The following HECW1 variants were observed in gnomAD, a reference collection of about 807,000 sequenced individuals.
HECW1 encodes HECT, C2 and WW domain containing E3 ubiquitin protein ligase 1, also known as E3 ubiquitin-protein ligase HECW1.
Under a neutral mutation model 182.3 loss-of-function variants are expected in HECW1, and 61 were observed. That is an observed-to-expected ratio of 0.33 (90% CI 0.27 to 0.41). The LOEUF (loss-of-function observed/expected upper bound fraction) is 0.41. HECW1 is among the 10% of genes least tolerant of loss of function. HECW1 has a pLI of 1.00. For synonymous variants in HECW1, 859 were observed against 832.6 expected, an observed-to-expected ratio of 1.03 and a Z score of -0.55; for missense variants, 1,739 against 2,108.9, an observed-to-expected ratio of 0.82 and a Z score of 3.44.
chr7:43,508,980 G>A lies in HECW1; in HGVS notation c.3878G>A (p.Ser1293Asn). The A allele has an allele frequency of 6.2e-7, 1 of 1,613,846 alleles. No individual in the cohort carries two copies. Among genetic ancestry groups the A allele is most frequent in the Non-Finnish European group, 8.5e-7 (1 of 1,179,922 alleles). ...TFVGEEGLDY[S>N]GPSREFFFLL... ...TGCTTTCTTTGCAGCCTGGACTACA[G>A]TGGCCCCTCGCGGGAGTTCTTCTTC... The change falls in exon 24 of 30, where the codon AGT becomes AAT. Residue 1293 changes from serine to asparagine, a missense_variant. Transcript: ENST00000395891.
At chr7:43,492,513 T>C (rs573595806) in intron 18 of HECW1, among the ~76,000 whole-genome samples, 32 of 152,328 alleles carry the variant, frequency 2.1e-4, no homozygotes, top group African/African-American at 7.0e-4. Flanking sequence ...ATTTTACTGT[T>C]TTTAGACAGT....
Position 43,407,589 on chromosome 7 carries a change from G to A in HECW1, c.659G>A (p.Gly220Glu). Residue 220 changes from glycine to glutamate, a missense_variant, in exon 8 of 30, where the codon GGG becomes GAG. Physicochemically the swap from Gly to Glu is moderately conservative, Grantham distance 98 (BLOSUM62 -2). This residue lies in a region of HECW1 where 279 missense variants were observed against 353.1 expected (regional missense o/e 0.79). Transcript: ENST00000395891. ...TTCCAAGCCATGGGGTTGAAGAAAGGGATGTTTTTCAACCCAGACCCTTAT... is the reference window on the plus strand; with the variant it reads ...TTCCAAGCCATGGGGTTGAAGAAAGAGATGTTTTTCAACCCAGACCCTTAT... Reference protein sequence around the residue: ...SDFQAMGLKKGMFFNPDPYLK... With the variant: ...SDFQAMGLKKEMFFNPDPYLK... 1 of 1,613,064 alleles carries A rather than the reference G, an allele frequency of 6.2e-7. No individual in the cohort carries two copies. Among genetic ancestry groups the A allele is most frequent in the Non-Finnish European group, 8.5e-7 (1 of 1,179,272 alleles).
chr7:43,437,349 CCA>C (rs3037055), intron 8 of HECW1, among the ~76,000 whole-genome samples: 4,717 of 152,240 alleles, frequency 0.031, 240 homozygotes, highest in African/African-American at 0.11. Context: ...GGGTTTTTCT[CCA>C]GTCTTTTACT....
intron 2 of HECW1, among the ~76,000 whole-genome samples, chr7:43,229,795 A>G (rs1489427500): frequency 6.6e-6 from 1 of 152,202 alleles, no homozygotes; most frequent in Non-Finnish European, 1.5e-5. Flanking sequence ...TTTACAAAGG[A>G]TAAAATAGTG....
intron 19 of HECW1, among the ~76,000 whole-genome samples, chr7:43,494,342 G>A (rs999937979): frequency 6.6e-6 from 1 of 151,814 alleles, no homozygotes; most frequent in Admixed American, 6.6e-5. Context: ...TCAAGTTTAG[G>A]TGCTCATCAT....
Position 43,565,800 on chromosome 7 carries a change from C to T in HECW1, c.*3874C>T, listed in dbSNP as rs2082315558. 1 of 185,576 alleles carries T rather than the reference C, an allele frequency of 5.4e-6. No homozygotes were observed. Among genetic ancestry groups the T allele is most frequent in the Non-Finnish European group, 1.1e-5 (1 of 87,764 alleles). 11.5% of individuals were successfully genotyped at this position (185,576 alleles called of 1,614,324 possible). On this transcript the variant is annotated 3_prime_UTR_variant, in exon 30 of 30. Coordinates refer to ENST00000395891, the MANE Select transcript of HECW1 (RefSeq NM_015052.5). Reference sequence around the variant, plus strand: ...TAAATATTGTTCCTTTAGCCTACTTCCTGCAGCTTCCAATTTATCCAAGGA... The same window carrying T: ...TAAATATTGTTCCTTTAGCCTACTTTCTGCAGCTTCCAATTTATCCAAGGA...
At position 43,162,436 on chromosome 7, in the gene HECW1, C is replaced by T. The variant is rs1408920717; in HGVS notation, c.-32+48045C>T. ...ACTGCATCACTCCAACCTCCATCTCCATGGTCTGCCTCCTCTTCTCTCTGT... is the reference window on the plus strand; with the variant it reads ...ACTGCATCACTCCAACCTCCATCTCTATGGTCTGCCTCCTCTTCTCTCTGT... On this transcript the variant is annotated intron_variant, in intron 2 of 29. Transcript: ENST00000395891. 2.0e-5 allele frequency among the ~76,000 whole-genome samples: 3 copies of T among 152,242 alleles called. No homozygotes were observed. The East Asian group carries it at 5.8e-4, about 29-fold the overall frequency.
intron 5 of HECW1, among the ~76,000 whole-genome samples, chr7:43,344,597 G>A (rs73097651): frequency 0.011 from 1,680 of 151,354 alleles, 20 homozygotes; most frequent in Middle Eastern, 0.034. Context: ...GATGTCTTTC[G>A]ATGTAGCACC....
intron 2 of HECW1, among the ~76,000 whole-genome samples, chr7:43,181,492 C>G (rs1282421038): frequency 6.6e-6 from 1 of 151,070 alleles, no homozygotes; most frequent in East Asian, 1.9e-4. Context: ...TCTCCACACC[C>G]CACCAGCACT....
chr7:43,149,987 T>C (rs1424083086), intron 2 of HECW1, among the ~76,000 whole-genome samples: 2 of 152,250 alleles, frequency 1.3e-5, no homozygotes, highest in Non-Finnish European at 2.9e-5. Context: ...TCATAGAATG[T>C]CCCTTATTTT....
At chr7:43,552,150 C>T in intron 27 of HECW1, 72 bp from the exon 28 acceptor site, 2 of 919,088 alleles carry the variant, frequency 2.2e-6, no homozygotes, top group Non-Finnish European at 3.6e-6. Context: ...GTTTAACCCA[C>T]ATAAATATAA....
chr7:43,441,032 G>T (rs1047280958), intron 9 of HECW1, among the ~76,000 whole-genome samples: 1 of 152,174 alleles, frequency 6.6e-6, no homozygotes, highest in African/African-American at 2.4e-5. Context: ...AGTAACAACT[G>T]GTTTGGGGCT....
intron 7 of HECW1, among the ~76,000 whole-genome samples, chr7:43,402,014 G>C (rs994817662): frequency 2.6e-5 from 4 of 152,010 alleles, no homozygotes; most frequent in African/African-American, 7.3e-5. Context: ...GGTCGAAGAG[G>C]AGATTGGCCG....
chr7:43,498,909 A>G (rs1314146391), intron 19 of HECW1, among the ~76,000 whole-genome samples: 2 of 152,166 alleles, frequency 1.3e-5, no homozygotes, highest in African/African-American at 4.8e-5. Flanking sequence ...TATGATGAAG[A>G]TTTGGATTTA....
At chr7:43,306,707 T>C (rs185056307) in intron 3 of HECW1, among the ~76,000 whole-genome samples, 100 of 152,314 alleles carry the variant, frequency 6.6e-4, no homozygotes, top group Admixed American at 1.8e-3. Context: ...CACGGCTTTA[T>C]ATTCCAAGAC....
At chr7:43,223,421 C>T (rs1429312486) in intron 2 of HECW1, among the ~76,000 whole-genome samples, 6 of 152,198 alleles carry the variant, frequency 3.9e-5, no homozygotes, top group Admixed American at 3.9e-4. Flanking sequence ...AGTTCCAGAC[C>T]AGCCTGGCTA....
chr7:43,180,435 G>A (rs1037061813), intron 2 of HECW1, among the ~76,000 whole-genome samples: 7 of 151,564 alleles, frequency 4.6e-5, no homozygotes, highest in African/African-American at 1.2e-4. Flanking sequence ...TTGCTCTGTC[G>A]CCCAGGCTGG....
At chr7:43,339,079 T>C (rs190207221) in intron 5 of HECW1, among the ~76,000 whole-genome samples, 1 of 152,216 alleles carries the variant, frequency 6.6e-6, no homozygotes, top group Non-Finnish European at 1.5e-5. Flanking sequence ...CCCCATCTTA[T>C]GCTTCTAAGA....
chr7:43,451,549 T>C (rs2077236417), intron 12 of HECW1, among the ~76,000 whole-genome samples: 1 of 152,192 alleles, frequency 6.6e-6, no homozygotes, highest in Non-Finnish European at 1.5e-5. Context: ...ACTTGGGAAA[T>C]TCATTTAATC....
Sources: gnomAD v4.1 joint callset for allele counts (sites outside exome capture counted in the v4.1 genomes callset) on GRCh38, gnomAD v4.1.1 for gene constraint, gnomAD v4.1.1 regional missense constraint, MANE v1.5 for transcripts, NCBI Gene and HGNC (gene_info 2026-07-23, HGNC 2026-07-21) for gene names.